Variants in XPO4 observed in about 807,000 individuals in gnomAD.
XPO4 encodes exportin-4.
Under a neutral mutation model 143.0 loss-of-function variants are expected in XPO4, and 39 were observed. The observed-to-expected ratio is 0.27, with a 90% confidence interval of 0.21 to 0.36. The LOEUF is 0.36. Among genes scored for constraint, XPO4 ranks in the 10% least tolerant of loss-of-function variants. XPO4 has a pLI of 1.00. For synonymous variants in XPO4, 439 were observed against 474.0 expected (o/e 0.93, Z 0.96); for missense variants, 907 against 1,348.0 (o/e 0.67, Z 5.12).
At chr13:20,850,089 G>C (rs959324965) in intron 4 of XPO4, 19 of 981,536 alleles carry the variant, frequency 1.9e-5, no homozygotes, top group Non-Finnish European at 2.1e-5. Flanking sequence ...CTGGGCGACA[G>C]AGCAAGACTC....
At chr13:20,807,115 C>T (rs537881312) in intron 13 of XPO4, among the ~76,000 whole-genome samples, 1 of 152,098 alleles carries the variant, frequency 6.6e-6, no homozygotes, top group African/African-American at 2.4e-5. Context: ...TCATCTGGTT[C>T]CCTTCATTTA....
chr13:20,831,664 A>AT (rs771716054), intron 6 of XPO4, among the ~76,000 whole-genome samples: 151 of 152,308 alleles, frequency 9.9e-4, no homozygotes, highest in Non-Finnish European at 1.6e-3. Flanking sequence ...AATTCCATCA[A>AT]TAAGAAAGCC....
chr13:20,866,409 C>G (rs1346882911), intron 2 of XPO4: 3 of 979,370 alleles, frequency 3.1e-6, no homozygotes, highest in African/African-American at 3.5e-5. Context: ...AAAGTCTCCC[C>G]TTTAGTAGAA....
intron 1 of XPO4, among the ~76,000 whole-genome samples, chr13:20,880,543 G>C (rs2060398717): frequency 6.6e-6 from 1 of 152,164 alleles, no homozygotes; most frequent in Non-Finnish European, 1.5e-5. Context: ...TCTACTTCCA[G>C]CTATATATCC....
intron 5 of XPO4, among the ~76,000 whole-genome samples, chr13:20,843,540 T>A (rs1171723584): frequency 6.6e-6 from 1 of 152,008 alleles, no homozygotes; most frequent in Non-Finnish European, 1.5e-5. Flanking sequence ...AAACTAAAGA[T>A]CTTTATAGAA....
chr13:20,861,237 G>A (rs911979131), intron 3 of XPO4, among the ~76,000 whole-genome samples: 1 of 150,920 alleles, frequency 6.6e-6, no homozygotes, highest in African/African-American at 2.4e-5. Context: ...ATGGTCTTTG[G>A]GGAACTTAAC....
intron 6 of XPO4, among the ~76,000 whole-genome samples, chr13:20,835,542 C>T (rs1399917320): frequency 6.6e-6 from 1 of 152,172 alleles, no homozygotes; most frequent in East Asian, 1.9e-4. Flanking sequence ...CCTAACACCA[C>T]AATATCACAT....
At position 20,839,360 on chromosome 13, in the gene XPO4, G is replaced by A. The variant is rs71426037; in HGVS notation, c.727+3535C>T. ...TGCATAGACAGAAAGTGGTTGCTAC[G>A]GACTGGGGAAGGTGGAAATGGAGAC... On this transcript the variant is annotated intron_variant, in intron 6 of 22. Transcript: ENST00000255305. 9.5e-3 allele frequency among the ~76,000 whole-genome samples: 1,451 copies of A among 152,312 alleles called. 12 individuals are homozygous for A. The highest frequency in any genetic ancestry group is 0.037 in the Middle Eastern group (11 of 294).
intron 20 of XPO4, among the ~76,000 whole-genome samples, chr13:20,788,213 G>T (rs1451664437): frequency 6.6e-6 from 1 of 151,804 alleles, no homozygotes; most frequent in East Asian, 1.9e-4. Flanking sequence ...CTGCCACCAC[G>T]CCCAGCTAAT....
At chr13:20,835,472 C>T (rs2059904672) in intron 6 of XPO4, among the ~76,000 whole-genome samples, 1 of 152,212 alleles carries the variant, frequency 6.6e-6, no homozygotes, top group South Asian at 2.1e-4. Context: ...GCAGTTCACA[C>T]TACCACAGGG....
At chr13:20,845,016 C>CA (rs577961066) in intron 4 of XPO4, among the ~76,000 whole-genome samples, 109 of 152,056 alleles carry the variant, frequency 7.2e-4, no homozygotes, top group Non-Finnish European at 7.9e-4. Context: ...ACTAAAAATA[C>CA]AAAAAAATCA....
intron 1 of XPO4, among the ~76,000 whole-genome samples, chr13:20,897,599 A>G (rs1006871896): frequency 2.6e-5 from 4 of 152,168 alleles, no homozygotes; most frequent in Non-Finnish European, 5.9e-5. Flanking sequence ...CTCAGCATAC[A>G]CAGCATAGTG....
At chr13:20,853,191 G>C in intron 4 of XPO4, 2 of 281,672 alleles carry the variant, frequency 7.1e-6, no homozygotes, top group Non-Finnish European at 1.1e-5. Context: ...AAATTAGCCA[G>C]GAGTGGTGGC....
At chr13:20,789,810 CCTT>C (rs1226725557) in intron 19 of XPO4, among the ~76,000 whole-genome samples, 1 of 152,082 alleles carries the variant, frequency 6.6e-6, no homozygotes, top group Non-Finnish European at 1.5e-5. Flanking sequence ...ACAAACTCCT[CCTT>C]TCCTTTCCAC....
intron 7 of XPO4, among the ~76,000 whole-genome samples, chr13:20,822,860 T>C (rs1463339245): frequency 6.6e-6 from 1 of 152,216 alleles, no homozygotes; most frequent in Non-Finnish European, 1.5e-5. Context: ...TCATTGCTAT[T>C]AATAAATGCT....
At chr13:20,845,172 A>T (rs566126637) in intron 4 of XPO4, among the ~76,000 whole-genome samples, 1 of 152,356 alleles carries the variant, frequency 6.6e-6, no homozygotes, top group Admixed American at 6.5e-5. Flanking sequence ...ACTAAGTCTC[A>T]AAGAAAAAAG....
chr13:20,788,413 TA>T, intron 20 of XPO4, 72 bp downstream of exon 20: 3 of 1,549,516 alleles, frequency 1.9e-6, no homozygotes, highest in Non-Finnish European at 2.6e-6. Flanking sequence ...AATGTAAACT[TA>T]AAAAACTTTT....
At chr13:20,814,803 G>T (rs2059628289) in intron 9 of XPO4, among the ~76,000 whole-genome samples, 1 of 152,174 alleles carries the variant, frequency 6.6e-6, no homozygotes, top group Non-Finnish European at 1.5e-5. Flanking sequence ...GGAAATGCAG[G>T]GTGGAGAAGG....
chr13:20,856,792 C>T (rs2060148479), intron 3 of XPO4: 2 of 965,940 alleles, frequency 2.1e-6, no homozygotes, highest in Non-Finnish European at 2.5e-6. Flanking sequence ...CCTCACTCCA[C>T]ACTCTTTTGA....
Sources: allele counts gnomAD v4.1 joint callset (sites outside exome capture counted in the v4.1 genomes callset), GRCh38; gene constraint gnomAD v4.1.1; transcripts MANE v1.5; gene names NCBI Gene and HGNC (gene_info 2026-07-23, HGNC 2026-07-21).